SDK1: variants seen among roughly 807,000 people sequenced by gnomAD.
The protein encoded by SDK1 is sidekick cell adhesion molecule 1.
In SDK1, 157 loss-of-function variants were observed where a neutral mutation model predicts 245.5. The observed-to-expected ratio is 0.64, with a 90% CI of 0.56 to 0.73. The LOEUF is 0.73. SDK1 is among the 30% of genes least tolerant of loss of function. The pLI is 0.00. For synonymous variants in SDK1, 1,647 were observed against 1,278.5 expected (o/e 1.29, Z -6.15); for missense variants, 3,583 against 3,002.3 (o/e 1.19, Z -4.52).
chr7:4,048,754 A>G (rs1285276416), intron 17 of SDK1, among the ~76,000 whole-genome samples: 3 of 152,220 alleles, frequency 2.0e-5, no homozygotes, highest in Non-Finnish European at 4.4e-5. Context: ...GCATGCCCTG[A>G]AGGCAGTCAT....
At position 3,580,778 on chromosome 7, in the gene SDK1, C is replaced by T. The variant is rs1458873893; in HGVS notation, c.299-38302C>T. ...GGTCAAGAGATTGAGACGATCCTGG[C>T]TAACACCGTGAAACCCCATTTCCAC... is the stretch of plus-strand genomic sequence containing the variant. On this transcript the variant is annotated intron_variant, in intron 1 of 44. Transcript: ENST00000404826. Among the ~76,000 whole-genome samples the T allele has an allele frequency of 2.0e-5, 3 of 151,826 alleles. No individual in the cohort carries two copies. The East Asian group carries it at 5.8e-4, about 29-fold the overall frequency.
chr7:4,038,307 G>A (rs1296462632), intron 17 of SDK1, among the ~76,000 whole-genome samples: 1 of 152,190 alleles, frequency 6.6e-6, no homozygotes, highest in African/African-American at 2.4e-5. Flanking sequence ...TCTCTGTTGA[G>A]TTCCACTGAA....
At chr7:3,345,271 C>T (rs999452495) in intron 1 of SDK1, among the ~76,000 whole-genome samples, 1 of 151,964 alleles carries the variant, frequency 6.6e-6, no homozygotes, top group Non-Finnish European at 1.5e-5. Flanking sequence ...CTGACTTCTT[C>T]CAGATAAATA....
chr7:3,644,773 CAAAAAA>C (rs34276127), intron 4 of SDK1, among the ~76,000 whole-genome samples: 2 of 40,036 alleles, frequency 5.0e-5, no homozygotes, highest in East Asian at 6.9e-4. Flanking sequence ...ACCCTGTCTC[CAAAAAA>C]AAAAAAAAAA....
chr7:3,581,104 G>A (rs537467237), intron 1 of SDK1, among the ~76,000 whole-genome samples: 4 of 151,274 alleles, frequency 2.6e-5, no homozygotes, highest in East Asian at 2.0e-4. Context: ...AGCAAAAGTT[G>A]ACAAATGGGA....
intron 4 of SDK1, among the ~76,000 whole-genome samples, chr7:3,774,459 G>A (rs567232997): frequency 6.6e-6 from 1 of 152,332 alleles, no homozygotes; most frequent in Admixed American, 6.5e-5. Flanking sequence ...CCAGGAACAT[G>A]TGCACAGCTG....
intron 15 of SDK1, among the ~76,000 whole-genome samples, chr7:4,011,666 C>T (rs1355324181): frequency 1.3e-5 from 2 of 152,316 alleles, no homozygotes; most frequent in East Asian, 1.9e-4. Flanking sequence ...TTTCAGTGGG[C>T]TTGACTTGTA....
intron 1 of SDK1, among the ~76,000 whole-genome samples, chr7:3,426,590 A>G (rs1309772548): frequency 6.6e-6 from 1 of 152,240 alleles, no homozygotes; most frequent in Non-Finnish European, 1.5e-5. Context: ...AGTGTCAGCA[A>G]AATATTAGCC....
chr7:3,645,577 A>G (rs1782808706), intron 4 of SDK1, among the ~76,000 whole-genome samples: 1 of 152,246 alleles, frequency 6.6e-6, no homozygotes, highest in Admixed American at 6.5e-5. Flanking sequence ...CCCTGAAACT[A>G]TGTACATCTA....
intron 9 of SDK1, among the ~76,000 whole-genome samples, chr7:3,964,528 T>C (rs1665454867): frequency 6.6e-6 from 1 of 152,232 alleles, no homozygotes; most frequent in South Asian, 2.1e-4. Flanking sequence ...TGTGAGTTTC[T>C]TTTATTATCC....
rs1418725583 is a variant in SDK1 at position 4,268,058 on chromosome 7, A to G, written c.*2674A>G. On this transcript the variant is annotated 3_prime_UTR_variant, in exon 45 of 45. Coordinates refer to ENST00000404826, the MANE Select transcript of SDK1 (RefSeq NM_152744.4). ...TTGGATTTTAATCTCGGTTTTAAAA[A>G]GAGGACAAACAAAATGTCTCTAAGC... 3.0e-6 allele frequency: 3 copies of G among 985,352 alleles called. No individual in the cohort carries two copies. The highest frequency in any genetic ancestry group is 6.1e-5 in the Admixed American group (1 of 16,268). The allele number at this position is 985,352 out of a possible 1,614,324, so 61.0% of individuals were successfully genotyped here.
chr7:3,562,240 C>T (rs1779772845), intron 1 of SDK1, among the ~76,000 whole-genome samples: 2 of 152,190 alleles, frequency 1.3e-5, no homozygotes, highest in Non-Finnish European at 2.9e-5. Flanking sequence ...CTACCGTTTC[C>T]AAAAATAACC....
At chr7:3,473,316 A>G (rs982238057) in intron 1 of SDK1, among the ~76,000 whole-genome samples, 8 of 152,250 alleles carry the variant, frequency 5.3e-5, no homozygotes, top group Admixed American at 3.9e-4. Flanking sequence ...GGAATCAATT[A>G]GAAGAACAGG....
intron 1 of SDK1, among the ~76,000 whole-genome samples, chr7:3,498,038 G>C (rs538823950): frequency 4.6e-5 from 7 of 152,176 alleles, no homozygotes; most frequent in Non-Finnish European, 1.0e-4. Flanking sequence ...TTGATTTAAA[G>C]AAACTAACAC....
intron 1 of SDK1, among the ~76,000 whole-genome samples, chr7:3,377,903 C>T (rs1356097388): frequency 6.6e-6 from 1 of 152,062 alleles, no homozygotes; most frequent in Non-Finnish European, 1.5e-5. Context: ...GTCAGCCTCC[C>T]GAGTAGCTGG....
intron 1 of SDK1, among the ~76,000 whole-genome samples, chr7:3,604,626 G>C (rs1781362250): frequency 8.4e-6 from 1 of 118,374 alleles, no homozygotes; most frequent in Non-Finnish European, 1.7e-5. Context: ...TTTTGAGACA[G>C]AGTTTTGCTC....
chr7:4,149,273 C>T lies in SDK1; in HGVS notation c.4435C>T (p.Pro1479Ser), dbSNP rs542685100. 7.9e-6 allele frequency: 12 copies of T among 1,528,502 alleles called. No homozygotes were observed. In the Admixed American group the frequency reaches 8.4e-5, roughly 11 times the overall value. The allele number at this position is 1,528,502 out of a possible 1,614,324, so 94.7% of individuals were successfully genotyped here. The change falls in exon 30 of 45, where the codon CCC becomes TCC. Residue 1479 changes from proline (P) to serine (S), a missense_variant. Coordinates refer to ENST00000404826, the MANE Select transcript of SDK1 (RefSeq NM_152744.4). ...ITTEKRERPA[P>S]PRELLVPQAE... is the part of the protein sequence containing the mutation. ...TCATTTGGTTGCAGAGCGGCCGGCA[C>T]CCCCCAGAGAGCTCCTGGTGCCCCA...
chr7:3,819,146 G>A (rs1027394896), intron 4 of SDK1, among the ~76,000 whole-genome samples: 14 of 152,014 alleles, frequency 9.2e-5, no homozygotes, highest in African/African-American at 3.4e-4. Context: ...GATTTGGATA[G>A]GAACAAAGAC....
chr7:4,083,178 A>G (rs560563146), intron 22 of SDK1, among the ~76,000 whole-genome samples: 32 of 152,250 alleles, frequency 2.1e-4, no homozygotes, highest in African/African-American at 7.5e-4. Flanking sequence ...ACATATACAC[A>G]CACCTGGGAA....
Sources: allele counts gnomAD v4.1 joint callset (sites outside exome capture counted in the v4.1 genomes callset), GRCh38; gene constraint gnomAD v4.1.1; transcripts MANE v1.5; gene names NCBI Gene and HGNC (gene_info 2026-07-23, HGNC 2026-07-21).